The following SMPD3 variants were observed in gnomAD, a reference collection of about 807,000 sequenced individuals.
SMPD3 encodes nSMase-2.
In SMPD3, 21 loss-of-function variants were observed where a neutral mutation model predicts 55.7. The observed-to-expected ratio is 0.38, with a 90% CI of 0.27 to 0.54. The LOEUF is 0.54. SMPD3 is among the 20% of genes least tolerant of loss of function. The pLI is 0.80. For missense variants in SMPD3, 842 were observed against 899.6 expected (o/e 0.94, Z 0.82); for synonymous variants, 457 against 404.3 (o/e 1.13, Z -1.56).
intron 1 of SMPD3, among the ~76,000 whole-genome samples, chr16:68,425,298 T>G (rs1597662322): frequency 6.6e-6 from 1 of 152,224 alleles, no homozygotes; most frequent in Admixed American, 6.5e-5. Flanking sequence ...AGGCTGGAAC[T>G]GGTGAGGGAG....
At chr16:68,362,935 G>T (rs1022729584) in intron 7 of SMPD3, among the ~76,000 whole-genome samples, 1 of 152,238 alleles carries the variant, frequency 6.6e-6, no homozygotes, top group Non-Finnish European at 1.5e-5. Context: ...TGTGACTGCA[G>T]TCTCGGGCTG....
intron 1 of SMPD3, among the ~76,000 whole-genome samples, chr16:68,440,218 G>A (rs2090555617): frequency 6.6e-6 from 1 of 152,124 alleles, no homozygotes. Context: ...GTTTTTTTGA[G>A]ACGGTCTCAT....
intron 1 of SMPD3, among the ~76,000 whole-genome samples, chr16:68,441,635 CA>C (rs1232343327): frequency 9.2e-5 from 14 of 152,010 alleles, no homozygotes; most frequent in Admixed American, 9.2e-4. Context: ...ATACTTATAG[CA>C]CATCTTAATT....
chr16:68,438,438 A>T (rs2090541296), intron 1 of SMPD3, among the ~76,000 whole-genome samples: 1 of 152,230 alleles, frequency 6.6e-6, no homozygotes, highest in Non-Finnish European at 1.5e-5. Context: ...ACACTTGGTG[A>T]GCACACTCAA....
At chr16:68,362,773 ATAAT>A (rs2089350171) in intron 7 of SMPD3, among the ~76,000 whole-genome samples, 2 of 152,254 alleles carry the variant, frequency 1.3e-5, no homozygotes, top group Admixed American at 6.5e-5. Flanking sequence ...TTTGCCCTTG[ATAAT>A]TAATTCCAGC....
chr16:68,430,167 C>T (rs889081218), intron 1 of SMPD3, among the ~76,000 whole-genome samples: 7 of 152,074 alleles, frequency 4.6e-5, no homozygotes, highest in Non-Finnish European at 1.0e-4. Context: ...CTGACAGCAG[C>T]AAAAGCTGCC....
At chr16:68,401,381 G>A (rs558116581) in intron 1 of SMPD3, among the ~76,000 whole-genome samples, 10 of 152,274 alleles carry the variant, frequency 6.6e-5, no homozygotes, top group Non-Finnish European at 1.3e-4. Flanking sequence ...CAGTGGTGAT[G>A]CCCAGTAGGG....
At chr16:68,422,552 T>C (rs748983708) in intron 1 of SMPD3, among the ~76,000 whole-genome samples, 1 of 152,180 alleles carries the variant, frequency 6.6e-6, no homozygotes, top group Non-Finnish European at 1.5e-5. Context: ...GCCCAGCTGC[T>C]TGGAGGCCTC....
chr16:68,372,530 G>C, intron 2 of SMPD3, 143 bp from the exon 3 acceptor site: 1 of 394,382 alleles, frequency 2.5e-6, no homozygotes, highest in South Asian at 2.7e-5. Flanking sequence ...GAGCTGGCAG[G>C]CTCAGCAGGT....
intron 1 of SMPD3, among the ~76,000 whole-genome samples, chr16:68,392,794 C>T (rs1429317095): frequency 7.7e-6 from 1 of 130,690 alleles, no homozygotes; most frequent in Admixed American, 9.6e-5. Context: ...GCGGAGGTTG[C>T]AGTGAGCTGA....
chr16:68,422,518 T>C (rs1042296702), intron 1 of SMPD3, among the ~76,000 whole-genome samples: 1 of 152,156 alleles, frequency 6.6e-6, no homozygotes, highest in Non-Finnish European at 1.5e-5. Context: ...GGTTTTGCTG[T>C]TGTTGAAATA....
At chr16:68,424,700 A>G (rs1306420320) in intron 1 of SMPD3, among the ~76,000 whole-genome samples, 1 of 152,080 alleles carries the variant, frequency 6.6e-6, no homozygotes, top group Non-Finnish European at 1.5e-5. Context: ...ACTCTATTAT[A>G]AACCAGAAGA....
At chr16:68,394,795 A>G (rs1162538562) in intron 1 of SMPD3, among the ~76,000 whole-genome samples, 1 of 152,232 alleles carries the variant, frequency 6.6e-6, no homozygotes, top group Non-Finnish European at 1.5e-5. Context: ...AGGGAATTAG[A>G]GCTAAGGGAA....
intron 2 of SMPD3, 50 bp from the exon 3 acceptor site, chr16:68,372,437 G>A: frequency 1.8e-6 from 1 of 547,118 alleles, no homozygotes; most frequent in Admixed American, 3.2e-5. Flanking sequence ...TCAGGGGAGT[G>A]GGTCAGATAT....
chr16:68,401,842 A>G (rs1461500505), intron 1 of SMPD3, among the ~76,000 whole-genome samples: 4 of 152,214 alleles, frequency 2.6e-5, no homozygotes, highest in African/African-American at 9.7e-5. Context: ...AATGGCTAAG[A>G]GGACAGCAGC....
intron 1 of SMPD3, among the ~76,000 whole-genome samples, chr16:68,432,015 T>C (rs1361635019): frequency 6.6e-6 from 1 of 151,334 alleles, no homozygotes; most frequent in Admixed American, 6.6e-5. Flanking sequence ...CTCGGGAGGC[T>C]GAGGCACGAG....
chr16:68,363,661 G>A, intron 6 of SMPD3, 102 bp from the exon 7 acceptor site: 1 of 1,440,234 alleles, frequency 6.9e-7, no homozygotes, highest in Non-Finnish European at 9.6e-7. Flanking sequence ...CTAGCCAGGG[G>A]CAGCTGAATG....
intron 1 of SMPD3, among the ~76,000 whole-genome samples, chr16:68,408,487 T>G (rs1176342488): frequency 6.6e-6 from 1 of 152,176 alleles, no homozygotes; most frequent in Non-Finnish European, 1.5e-5. Flanking sequence ...AAAAGATTGA[T>G]TTAGAAATTT....
intron 1 of SMPD3, among the ~76,000 whole-genome samples, chr16:68,389,689 G>A (rs1295208709): frequency 6.6e-6 from 1 of 152,214 alleles, no homozygotes; most frequent in East Asian, 1.9e-4. Flanking sequence ...GACTGTCAGT[G>A]TCAGACCTCA....
Sources: gnomAD v4.1 joint callset for allele counts (sites outside exome capture counted in the v4.1 genomes callset) on GRCh38, gnomAD v4.1.1 for gene constraint, MANE v1.5 for transcripts, NCBI Gene and HGNC (gene_info 2026-07-23, HGNC 2026-07-21) for gene names.